NXPE2: variants seen among roughly 807,000 people sequenced by gnomAD.
NXPE2 encodes the protein NXPE family member 2.
Under a neutral mutation model 34.4 loss-of-function variants are expected in NXPE2, and 34 were observed. That is an observed-to-expected ratio of 0.99 (90% CI 0.75 to 1.31). NXPE2 has a LOEUF of 1.31. NXPE2 is among the 40% of genes most tolerant of loss of function. NXPE2 has a pLI of 0.00. For missense variants in NXPE2, 649 were observed against 672.5 expected (o/e 0.97, Z 0.39); for synonymous variants, 235 against 231.3 (o/e 1.02, Z -0.15).
At chr11:114,519,148 A>G in the NXPE2 span, among the ~76,000 whole-genome samples, 1 of 152,196 alleles carries the variant, frequency 6.6e-6, no homozygotes, top group African/African-American at 2.4e-5. Flanking sequence ...CTTTTATATG[A>G]CAAATGTTAA....
At chr11:114,559,438 T>C in the NXPE2 span, among the ~76,000 whole-genome samples, 12 of 152,216 alleles carry the variant, frequency 7.9e-5, no homozygotes, top group African/African-American at 2.9e-4. Context: ...ATTTTTGATG[T>C]CCTTCTTCCT....
chr11:114,579,132 T>A, the NXPE2 span, among the ~76,000 whole-genome samples: 1 of 152,136 alleles, frequency 6.6e-6, no homozygotes, highest in Non-Finnish European at 1.5e-5. Context: ...GGGAAGCTTT[T>A]AGTCATGGCG....
At chr11:114,800,243 TGGGAATAAGG>T in the NXPE2 span, among the ~76,000 whole-genome samples, 1 of 152,240 alleles carries the variant, frequency 6.6e-6, no homozygotes, top group African/African-American at 2.4e-5. Context: ...CATTTGTCTC[TGGGAATAAGG>T]GGTTAACCAA....
chr11:114,546,601 C>T, the NXPE2 span, among the ~76,000 whole-genome samples: 19 of 151,748 alleles, frequency 1.3e-4, no homozygotes, highest in Non-Finnish European at 1.6e-4. Flanking sequence ...CATGCCTGGC[C>T]AATATTTCTG....
At chr11:114,581,822 G>A in the NXPE2 span, 1 of 1,463,972 alleles carries the variant, frequency 6.8e-7, no homozygotes, top group Non-Finnish European at 9.5e-7. Context: ...ATCTGTAGGT[G>A]GCCTCAAATC....
the NXPE2 span, among the ~76,000 whole-genome samples, chr11:114,634,294 A>G: frequency 6.6e-6 from 1 of 151,976 alleles, no homozygotes; most frequent in Non-Finnish European, 1.5e-5. Context: ...TCCTTTGCCC[A>G]CTTTTTGATA....
the NXPE2 span, among the ~76,000 whole-genome samples, chr11:114,595,157 T>G: frequency 6.6e-6 from 1 of 152,186 alleles, no homozygotes; most frequent in South Asian, 2.1e-4. Context: ...ATATTAACAC[T>G]GAGAACCACA....
At chr11:114,523,927 A>G in the NXPE2 span, among the ~76,000 whole-genome samples, 2 of 152,254 alleles carry the variant, frequency 1.3e-5, no homozygotes, top group African/African-American at 2.4e-5. Flanking sequence ...AAAGACCAAG[A>G]TAATAATGAC....
chr11:114,715,566 A>C, the NXPE2 span, among the ~76,000 whole-genome samples: 2 of 152,200 alleles, frequency 1.3e-5, no homozygotes, highest in Non-Finnish European at 2.9e-5. Flanking sequence ...TGTAAAATAA[A>C]TACATGTTTA....
upstream of NXPE2, among the ~76,000 whole-genome samples, chr11:114,677,551 A>G (rs1950872534): frequency 6.6e-6 from 1 of 152,066 alleles, no homozygotes; most frequent in African/African-American, 2.4e-5. Flanking sequence ...TTTTCTTTCA[A>G]TAAATTTCTT....
At chr11:114,795,646 T>TG in the NXPE2 span, among the ~76,000 whole-genome samples, 58 of 152,308 alleles carry the variant, frequency 3.8e-4, no homozygotes, top group Middle Eastern at 0.014. Flanking sequence ...ACTCATCAGT[T>TG]GGCATTCAAC....
chr11:114,536,320 A>G, the NXPE2 span, among the ~76,000 whole-genome samples: 1 of 152,256 alleles, frequency 6.6e-6, no homozygotes, highest in African/African-American at 2.4e-5. Flanking sequence ...AATGCCCACA[A>G]GAGAAAGCAG....
At chr11:114,495,661 C>T in the NXPE2 span, among the ~76,000 whole-genome samples, 1 of 152,108 alleles carries the variant, frequency 6.6e-6, no homozygotes, top group Non-Finnish European at 1.5e-5. Context: ...CACCCAAGGC[C>T]TGAAGTGAGT....
the NXPE2 span, among the ~76,000 whole-genome samples, chr11:114,495,262 AG>A: frequency 2.0e-5 from 3 of 151,808 alleles, no homozygotes; most frequent in Admixed American, 2.0e-4. Flanking sequence ...TACAGTCAGC[AG>A]GTGGGAAATC....
the NXPE2 span, among the ~76,000 whole-genome samples, chr11:114,610,451 G>A: frequency 6.6e-6 from 1 of 151,928 alleles, no homozygotes; most frequent in East Asian, 1.9e-4. Flanking sequence ...TTTCCCGGTG[G>A]ATAATAAGTG....
the NXPE2 span, among the ~76,000 whole-genome samples, chr11:114,776,989 ATTT>A: frequency 6.6e-6 from 1 of 152,210 alleles, no homozygotes; most frequent in African/African-American, 2.4e-5. Context: ...AAGAAAAAAC[ATTT>A]TTATTTTATT....
At chr11:114,488,566 G>A in the NXPE2 span, among the ~76,000 whole-genome samples, 5 of 152,254 alleles carry the variant, frequency 3.3e-5, no homozygotes, top group East Asian at 1.9e-4. Flanking sequence ...ACTCAAAACT[G>A]CTCAACTACA....
chr11:114,479,118 C>T, the NXPE2 span, among the ~76,000 whole-genome samples: 93,368 of 152,102 alleles, frequency 0.61, 30,304 homozygotes, highest in African/African-American at 0.84. Context: ...GCCTTGAGCC[C>T]GTTCCTAGAG....
chr11:114,530,670 C>T, the NXPE2 span: 27 of 1,614,174 alleles, frequency 1.7e-5, no homozygotes, highest in Non-Finnish European at 2.2e-5. Context: ...GTCTCCCCTG[C>T]AGTATGTATC....
Sources: allele counts gnomAD v4.1 joint callset (sites outside exome capture counted in the v4.1 genomes callset), GRCh38; gene constraint gnomAD v4.1.1; transcripts MANE v1.5; gene names NCBI Gene and HGNC (gene_info 2026-07-23, HGNC 2026-07-21).